TFEC: variants seen among roughly 807,000 people sequenced by gnomAD.
TFEC encodes the protein class E basic helix-loop-helix protein 34.
TFEC carries 31 observed loss-of-function variants against 41.6 expected under a neutral mutation model. The observed-to-expected ratio is 0.74, with a 90% confidence interval of 0.56 to 1.01. The LOEUF is 1.01. Ranked by LOEUF, TFEC falls within the 50% of genes least tolerant of loss-of-function variation. The pLI, the probability that TFEC is intolerant of heterozygous loss-of-function variation, is 0.00. For missense variants in TFEC, 402 were observed against 404.1 expected, an observed-to-expected ratio of 0.99 and a Z score of 0.04; for synonymous variants, 143 against 140.6, an observed-to-expected ratio of 1.02 and a Z score of -0.12.
chr7:116,082,569 A>G (rs1797115197), intron 3 of TFEC, among the ~76,000 whole-genome samples: 1 of 152,066 alleles, frequency 6.6e-6, no homozygotes, highest in Non-Finnish European at 1.5e-5. Flanking sequence ...TAAAGAAACT[A>G]TGCTAAATTA....
intron 3 of TFEC, among the ~76,000 whole-genome samples, chr7:116,086,554 G>A (rs1562964336): frequency 2.0e-5 from 3 of 151,754 alleles, no homozygotes; most frequent in African/African-American, 4.8e-5. Context: ...TTAGGATATC[G>A]AATGCTTCTT....
At chr7:116,110,764 T>C (rs1331640984) in exon 3 of TFEC, 37 of 1,542,950 alleles carry the variant, frequency 2.4e-5, no homozygotes, top group Middle Eastern at 3.4e-4. Context: ...GGGACAAGTC[T>C]ATGCAACACT....
chr7:115,964,950 G>T (rs1040548787), intron 3 of TFEC, among the ~76,000 whole-genome samples: 9 of 151,508 alleles, frequency 5.9e-5, no homozygotes, highest in African/African-American at 2.2e-4. Context: ...TGTTTTCTTA[G>T]CCCAATGCAT....
rs147457121 is a variant in TFEC, at chr7:116,043,426, C to T, written c.199-58913G>A. Among the ~76,000 whole-genome samples, 56 of 152,104 alleles carry T rather than the reference C, an allele frequency of 3.7e-4. 1 individual carries two copies. Among genetic ancestry groups the T allele is most frequent in the Non-Finnish European group, 7.4e-5 (5 of 67,982 alleles). On this transcript the variant is annotated intron_variant, in intron 3 of 8. Transcript: ENST00000484212. ...CAAAGGTCATACAAATGGGAATAAG[C>T]TTATGGATGGAAAAAAGTTCTTAAA...
chr7:116,148,210 T>G (rs1436764268), intron 1 of TFEC, among the ~76,000 whole-genome samples: 1 of 152,142 alleles, frequency 6.6e-6, no homozygotes, highest in African/African-American at 2.4e-5. Context: ...TGGAACCCAG[T>G]GAGCAGGGGC....
At chr7:116,081,055 A>C (rs1797078703) in intron 3 of TFEC, among the ~76,000 whole-genome samples, 2 of 151,594 alleles carry the variant, frequency 1.3e-5, no homozygotes, top group Admixed American at 1.3e-4. Flanking sequence ...CATAAAAATG[A>C]ATGAAATAAT....
At chr7:116,151,655 A>T (rs1025843283) in intron 1 of TFEC, among the ~76,000 whole-genome samples, 2 of 150,052 alleles carry the variant, frequency 1.3e-5, no homozygotes, top group Non-Finnish European at 3.0e-5. Flanking sequence ...TTACAATGGA[A>T]TTTTTTTTTT....
chr7:116,114,997 T>C (rs962122938), intron 1 of TFEC, among the ~76,000 whole-genome samples: 2 of 151,746 alleles, frequency 1.3e-5, no homozygotes, highest in Non-Finnish European at 2.9e-5. Flanking sequence ...GTCATGAGCA[T>C]GAGGGATAGC....
chr7:115,980,026 G>A (rs1458598836), intron 2 of TFEC, among the ~76,000 whole-genome samples: 1 of 152,084 alleles, frequency 6.6e-6, no homozygotes, highest in Admixed American at 6.6e-5. Context: ...TCAAAAACTT[G>A]TTCCCACAGC....
At chr7:115,974,422 A>ATT (rs1281974297) in intron 2 of TFEC, among the ~76,000 whole-genome samples, 166 bp from the exon 3 acceptor site, 4 of 42,926 alleles carry the variant, frequency 9.3e-5, no homozygotes, top group South Asian at 1.4e-3. Flanking sequence ...ATATATATAT[A>ATT]TATATATATA....
chr7:115,952,502 A>ATT (rs1792000778), intron 5 of TFEC, among the ~76,000 whole-genome samples: 1 of 152,002 alleles, frequency 6.6e-6, no homozygotes, highest in Admixed American at 6.6e-5. Flanking sequence ...AAGTTCAGAG[A>ATT]TTTTTTTCTC....
chr7:116,086,581 C>A (rs748611359), intron 3 of TFEC, among the ~76,000 whole-genome samples: 2 of 151,550 alleles, frequency 1.3e-5, no homozygotes, highest in Non-Finnish European at 3.0e-5. Flanking sequence ...TACCCCCCCA[C>A]TGTTTTCCAA....
chr7:116,125,991 T>G (rs969919852), intron 1 of TFEC, among the ~76,000 whole-genome samples: 1 of 152,100 alleles, frequency 6.6e-6, no homozygotes, highest in Non-Finnish European at 1.5e-5. Context: ...AGAGGCCCAG[T>G]AGTGAAAACA....
intron 3 of TFEC, among the ~76,000 whole-genome samples, chr7:116,075,177 C>T (rs1219619423): frequency 6.6e-6 from 1 of 152,146 alleles, no homozygotes; most frequent in East Asian, 1.9e-4. Flanking sequence ...GTACACTTTA[C>T]TTGGGTGAAC....
intron 2 of TFEC, among the ~76,000 whole-genome samples, chr7:115,978,534 G>A (rs561654627): frequency 1.3e-5 from 2 of 152,134 alleles, no homozygotes; most frequent in South Asian, 2.1e-4. Flanking sequence ...TTTATGACCC[G>A]TTATGCCTTT....
intron 3 of TFEC, among the ~76,000 whole-genome samples, chr7:116,079,617 TAACCAAG>T (rs1316587260): frequency 1.3e-5 from 2 of 151,944 alleles, no homozygotes; most frequent in African/African-American, 2.4e-5. Flanking sequence ...GAAATATACC[TAACCAAG>T]AACTTGAAAG....
intron 3 of TFEC, among the ~76,000 whole-genome samples, chr7:116,091,523 T>C (rs572418037): frequency 2.6e-4 from 40 of 152,156 alleles, no homozygotes; most frequent in Non-Finnish European, 5.7e-4. Flanking sequence ...ACATCTGTAA[T>C]ATGTCCCCAC....
At chr7:116,059,235 G>A (rs750894484) in intron 3 of TFEC, among the ~76,000 whole-genome samples, 4 of 151,866 alleles carry the variant, frequency 2.6e-5, no homozygotes, top group East Asian at 3.9e-4. Flanking sequence ...ACAACTTCAT[G>A]CCAAAAAAGT....
intron 3 of TFEC, among the ~76,000 whole-genome samples, chr7:115,964,299 T>C (rs369200763): frequency 9.2e-5 from 14 of 151,598 alleles, no homozygotes; most frequent in African/African-American, 3.4e-4. Context: ...GATACTTTTA[T>C]GGGGAAAAGT....
Sources: allele counts gnomAD v4.1 joint callset (sites outside exome capture counted in the v4.1 genomes callset), GRCh38; gene constraint gnomAD v4.1.1; transcripts MANE v1.5; gene names NCBI Gene and HGNC (gene_info 2026-07-23, HGNC 2026-07-21).